The following BCAR3 variants were observed in gnomAD, a reference collection of about 807,000 sequenced individuals.
BCAR3 encodes the protein breast cancer anti-estrogen resistance protein 3.
Under a neutral mutation model 80.1 loss-of-function variants are expected in BCAR3, and 37 were observed. The ratio of observed to expected loss-of-function variants is 0.46; its 90% CI spans 0.36 to 0.61. BCAR3 has a LOEUF of 0.61. Among genes scored for constraint, BCAR3 ranks in the 20% least tolerant of loss-of-function variants. BCAR3 has a pLI of 0.00. For missense variants in BCAR3, 978 were observed against 1,068.2 expected, an observed-to-expected ratio of 0.92 and a Z score of 1.18; for synonymous variants, 389 against 418.9, an observed-to-expected ratio of 0.93 and a Z score of 0.87.
chr1:93,672,729 C>A (rs917779661), intron 2 of BCAR3, among the ~76,000 whole-genome samples: 1 of 152,182 alleles, frequency 6.6e-6, no homozygotes, highest in Non-Finnish European at 1.5e-5. Context: ...GGAGCCGGTC[C>A]AGGGCCTTCT....
At chr1:93,562,696 GGGAGGT>G (rs1228353313) in intron 11 of BCAR3, among the ~76,000 whole-genome samples, 5 of 149,702 alleles carry the variant, frequency 3.3e-5, no homozygotes, top group Non-Finnish European at 5.9e-5. Context: ...GCGTGAACCC[GGGAGGT>G]GGAGCTTGCA....
At chr1:93,760,442 G>A (rs61781053) in intron 2 of BCAR3, among the ~76,000 whole-genome samples, 8,306 of 152,184 alleles carry the variant, frequency 0.055, 309 homozygotes, top group South Asian at 0.091. Context: ...ATGAAGCATG[G>A]TAGCAGGTGC....
intron 2 of BCAR3, among the ~76,000 whole-genome samples, chr1:93,787,927 A>G (rs534631828): frequency 1.5e-3 from 236 of 152,260 alleles, no homozygotes; most frequent in African/African-American, 5.3e-3. Context: ...GTCCCTCACT[A>G]TTATTGTGTT....
intron 2 of BCAR3, among the ~76,000 whole-genome samples, chr1:93,765,480 A>G (rs1309615796): frequency 6.6e-6 from 1 of 152,184 alleles, no homozygotes; most frequent in Non-Finnish European, 1.5e-5. Context: ...GATATGATTG[A>G]CAGGTAGAAA....
At chr1:93,564,425 T>A (rs889020634) in intron 11 of BCAR3, among the ~76,000 whole-genome samples, 3 of 151,604 alleles carry the variant, frequency 2.0e-5, no homozygotes, top group African/African-American at 7.3e-5. Flanking sequence ...ATTACAGGCA[T>A]GCGCCACCAC....
chr1:93,819,155 C>T (rs1289485824), intron 2 of BCAR3, among the ~76,000 whole-genome samples: 1 of 151,840 alleles, frequency 6.6e-6, no homozygotes, highest in African/African-American at 2.4e-5. Flanking sequence ...CAATCTCCGC[C>T]TCCCCGGTTC....
At chr1:93,844,347 T>G (rs951105368) in intron 2 of BCAR3, among the ~76,000 whole-genome samples, 16 of 152,180 alleles carry the variant, frequency 1.1e-4, no homozygotes, top group Admixed American at 6.5e-4. Flanking sequence ...GAAACCGTAT[T>G]TAATTTAGGG....
intron 11 of BCAR3, among the ~76,000 whole-genome samples, chr1:93,566,055 G>A (rs1672934635): frequency 3.3e-5 from 5 of 152,128 alleles, no homozygotes; most frequent in Admixed American, 3.3e-4. Flanking sequence ...CTGACCATGT[G>A]ACACCCTCCC....
At chr1:93,574,329 T>C (rs976266152) in intron 8 of BCAR3, among the ~76,000 whole-genome samples, 7 of 152,202 alleles carry the variant, frequency 4.6e-5, no homozygotes, top group African/African-American at 1.7e-4. Context: ...TGTATTTGAT[T>C]CTCAAATGCA....
intron 2 of BCAR3, among the ~76,000 whole-genome samples, chr1:93,822,527 T>C (rs1654263957): frequency 6.6e-6 from 1 of 151,938 alleles, no homozygotes; most frequent in African/African-American, 2.4e-5. Flanking sequence ...TTAGTAGAGA[T>C]GGGGTTTTGC....
In BCAR3 at chr1:93,589,321, G is replaced by A. The variant is rs896676245; in HGVS notation, c.585C>T (p.Leu195=). Residue 195 remains leucine, a synonymous_variant, in exon 5 of 12, where the codon CTC becomes CTT. Transcript: ENST00000260502. The part of the protein sequence containing the change: ...NFVLTCQWKN[L]AQHFKINRTV... ...TCCGGTTGATTTTGAAGTGCTGAGC[G>A]AGGTTCTTCCACTGACAGGTCAGGA... 24 of 1,614,066 alleles carry A rather than the reference G, an allele frequency of 1.5e-5. No individual in the cohort carries two copies. The highest frequency in any genetic ancestry group is 3.3e-5 in the Admixed American group (2 of 60,004).
intron 3 of BCAR3, among the ~76,000 whole-genome samples, chr1:93,696,726 C>T (rs992417111): frequency 6.6e-6 from 1 of 152,206 alleles, no homozygotes; most frequent in Non-Finnish European, 1.5e-5. Flanking sequence ...CCTGAACTCA[C>T]CCTTTATTTG....
chr1:93,641,813 T>C (rs1426207401), intron 3 of BCAR3, among the ~76,000 whole-genome samples: 1 of 152,188 alleles, frequency 6.6e-6, no homozygotes, highest in Non-Finnish European at 1.5e-5. Context: ...ATTCCTCATC[T>C]ACATTCCAAA....
At chr1:93,772,137 G>A (rs12116907) in intron 2 of BCAR3, among the ~76,000 whole-genome samples, 18,026 of 152,222 alleles carry the variant, frequency 0.12, 1,509 homozygotes, top group African/African-American at 0.23. Flanking sequence ...GTCTGGAGAC[G>A]TCAGCAGGGG....
chr1:93,646,806 G>C (rs943282371), intron 2 of BCAR3, among the ~76,000 whole-genome samples: 4 of 151,960 alleles, frequency 2.6e-5, no homozygotes, highest in Non-Finnish European at 5.9e-5. Context: ...TTAAAATTAA[G>C]CATAAGTTTT....
At chr1:93,685,845 G>C (rs1648956153), upstream of BCAR3, among the ~76,000 whole-genome samples, 1 of 152,076 alleles carries the variant, frequency 6.6e-6, no homozygotes, top group Non-Finnish European at 1.5e-5. Context: ...ATGAATTTCA[G>C]TGTAATTTTA....
chr1:93,582,563 T>C lies in BCAR3; in HGVS notation c.1424A>G (p.Tyr475Cys), dbSNP rs762737725. The change falls in exon 7 of 12, where the codon TAC (tyrosine) becomes TGC (cysteine). Residue 475 changes from tyrosine (Y) to cysteine (C), a missense_variant. Physicochemically the swap from Tyr to Cys is radical, Grantham distance 194 (BLOSUM62 -2). Coordinates refer to ENST00000260502, the MANE Select transcript of BCAR3 (RefSeq NM_003567.4). ...CCTGTCATCATCATCAAGGATCAAG[T>C]AGTTGACGCCAGAGTTCCGGGGACC... ...APGPRNSGVN[Y>C]LILDDDDRER... 8 of 1,613,354 alleles carry C rather than the reference T, an allele frequency of 5.0e-6. No homozygotes were observed. The South Asian group carries it at 5.5e-5, about 11-fold the overall frequency.
chr1:93,567,823 G>A lies in BCAR3; in HGVS notation c.2003C>T (p.Ala668Val), dbSNP rs1169575759. The A allele has an allele frequency of 5.0e-6, 8 of 1,614,064 alleles. No homozygotes were observed. The highest frequency in any genetic ancestry group is 2.2e-5 in the East Asian group (1 of 44,904). ...AGTTTGGGTGTACTGGTGCCGCAGA[G>A]CAGTCCACGTCTTTTCTAACCTTGT... ...QITRLEKTWT[A>V]LRHQYTQTAI... is the part of the protein sequence containing the mutation. Residue 668 changes from alanine (A) to valine (V), a missense_variant, in exon 10 of 12, where the codon GCT (alanine) becomes GTT (valine). Ala to Val is a moderately conservative substitution (Grantham distance 64, BLOSUM62 0). Coordinates refer to ENST00000260502, the MANE Select transcript of BCAR3 (RefSeq NM_003567.4).
chr1:93,759,253 C>T (rs963797241), intron 2 of BCAR3, among the ~76,000 whole-genome samples: 2 of 152,212 alleles, frequency 1.3e-5, no homozygotes, highest in Non-Finnish European at 2.9e-5. Flanking sequence ...GAAAGCTAAG[C>T]ATAGTATAGA....
Sources: gnomAD v4.1 joint callset for allele counts (sites outside exome capture counted in the v4.1 genomes callset) on GRCh38, gnomAD v4.1.1 for gene constraint, MANE v1.5 for transcripts, NCBI Gene and HGNC (gene_info 2026-07-23, HGNC 2026-07-21) for gene names.